ZNF804B: variants seen among roughly 807,000 people sequenced by gnomAD.
ZNF804B encodes zinc finger 804B.
In ZNF804B, 80 loss-of-function variants were observed where a neutral mutation model predicts 101.4. The observed-to-expected ratio is 0.79, with a 90% CI of 0.66 to 0.95. The LOEUF (loss-of-function observed/expected upper bound fraction) is 0.95. Among genes scored for constraint, ZNF804B ranks in the 40% least tolerant of loss-of-function variants. The pLI is 0.00. For missense variants in ZNF804B, 1,673 were observed against 1,561.9 expected (o/e 1.07, Z -1.20); for synonymous variants, 622 against 558.8 (o/e 1.11, Z -1.59).
chr7:88,951,414 T>C (rs1253539383), intron 1 of ZNF804B, among the ~76,000 whole-genome samples: 1 of 151,912 alleles, frequency 6.6e-6, no homozygotes, highest in Non-Finnish European at 1.5e-5. Context: ...ACCTGTACAT[T>C]TCTTCTTCAA....
At position 89,171,282 on chromosome 7, in the gene ZNF804B, GCTGCTGCTTCTTCTTCTTCTTCTTCTT is replaced by G. The variant is rs1431513296; in HGVS notation, c.109-46870_109-46844del. Reference sequence around the variant, plus strand: ...CAATGAAGTAGGCACAAATAATGCTGCTGCTGCTTCTTCTTCTTCTTCTTCTTCTTCTTCTTCTTCTTCTTCTTCTTC... The same window carrying G: ...CAATGAAGTAGGCACAAATAATGCTGCTTCTTCTTCTTCTTCTTCTTCTTC... On this transcript the variant is annotated intron_variant, in intron 1 of 3. Transcript: ENST00000333190. Among the ~76,000 whole-genome samples the G allele has an allele frequency of 9.4e-3, 893 of 95,494 alleles. 14 individuals are homozygous for G. Among genetic ancestry groups the G allele is most frequent in the African/African-American group, 0.023 (497 of 21,970 alleles). 62.6% of individuals were successfully genotyped at this position (95,494 alleles called of 152,430 possible).
intron 1 of ZNF804B, among the ~76,000 whole-genome samples, chr7:88,897,008 T>A (rs1176984577): frequency 6.6e-6 from 1 of 152,208 alleles, no homozygotes; most frequent in Non-Finnish European, 1.5e-5. Flanking sequence ...TGTGCATGGA[T>A]AATTGATAAT....
intron 1 of ZNF804B, among the ~76,000 whole-genome samples, chr7:88,853,662 C>G (rs1270532950): frequency 1.3e-5 from 2 of 151,964 alleles, no homozygotes; most frequent in African/African-American, 4.8e-5. Flanking sequence ...AAGTTAGTCC[C>G]CAAATATTGT....
At chr7:89,010,204 A>G (rs1287825151) in intron 1 of ZNF804B, among the ~76,000 whole-genome samples, 2 of 151,562 alleles carry the variant, frequency 1.3e-5, no homozygotes, top group Non-Finnish European at 2.9e-5. Flanking sequence ...AAGTGACATT[A>G]ACATTTATTT....
At chr7:89,245,887 T>C (rs1490930337) in intron 2 of ZNF804B, among the ~76,000 whole-genome samples, 1 of 152,150 alleles carries the variant, frequency 6.6e-6, no homozygotes, top group Non-Finnish European at 1.5e-5. Flanking sequence ...AACTTTCCAC[T>C]GAGGATCTAA....
intron 1 of ZNF804B, among the ~76,000 whole-genome samples, chr7:89,213,026 C>A (rs953899890): frequency 3.3e-5 from 5 of 152,174 alleles, no homozygotes; most frequent in African/African-American, 9.7e-5. Context: ...CCCCCTTAAT[C>A]TATTCTGAGA....
intron 2 of ZNF804B, among the ~76,000 whole-genome samples, chr7:89,232,283 C>T (rs568916552): frequency 6.6e-6 from 1 of 152,168 alleles, no homozygotes; most frequent in East Asian, 1.9e-4. Flanking sequence ...GTAAATCTCA[C>T]TCATGGTGGA....
chr7:89,188,991 T>C (rs556554678), intron 1 of ZNF804B, among the ~76,000 whole-genome samples: 2 of 152,170 alleles, frequency 1.3e-5, no homozygotes, highest in Non-Finnish European at 2.9e-5. Context: ...CGGTTTTCAA[T>C]GGCAGATGAA....
At chr7:89,210,021 C>A (rs1299407652) in intron 1 of ZNF804B, among the ~76,000 whole-genome samples, 1 of 151,806 alleles carries the variant, frequency 6.6e-6, no homozygotes, top group East Asian at 1.9e-4. Context: ...TGGTGGCATG[C>A]ACCTGTAGTC....
chr7:89,008,613 T>C (rs1788406245), intron 1 of ZNF804B, among the ~76,000 whole-genome samples: 1 of 152,114 alleles, frequency 6.6e-6, no homozygotes, highest in Admixed American at 6.6e-5. Flanking sequence ...CAGACTTGGT[T>C]CTCTCTCATT....
chr7:89,007,484 A>ATATG (rs1491050866), intron 1 of ZNF804B, among the ~76,000 whole-genome samples: 1 of 61,028 alleles, frequency 1.6e-5, no homozygotes, highest in Admixed American at 2.0e-4. Flanking sequence ...ATATATATAT[A>ATATG]TGTCAACCTA....
intron 1 of ZNF804B, among the ~76,000 whole-genome samples, chr7:88,783,964 T>C (rs1399644862): frequency 6.6e-6 from 1 of 152,200 alleles, no homozygotes; most frequent in African/African-American, 2.4e-5. Context: ...TTCATGAATA[T>C]AATTAATGAA....
chr7:88,897,663 A>T (rs1792310993), intron 1 of ZNF804B, among the ~76,000 whole-genome samples: 1 of 152,164 alleles, frequency 6.6e-6, no homozygotes, highest in South Asian at 2.1e-4. Flanking sequence ...AAATTAAGGA[A>T]TGTATTTGTA....
rs1791035985 is a variant in ZNF804B at position 89,334,243 on chromosome 7, A to G, written c.1261A>G (p.Ser421Gly). 6.2e-7 allele frequency: 1 copy of G among 1,613,732 alleles called. No homozygotes were observed. Among genetic ancestry groups the G allele is most frequent in the Non-Finnish European group, 8.5e-7 (1 of 1,179,826 alleles). Residue 421 changes from serine to glycine, a missense_variant, in exon 4 of 4, where the codon AGC becomes GGC. Physicochemically the swap from Ser to Gly is moderately conservative, Grantham distance 56. Coordinates refer to ENST00000333190, the MANE Select transcript of ZNF804B (RefSeq NM_181646.5). ...ATCTTTAGATAAAACAGAAAGAGTT[A>G]GCAAAAATGTTCAAAGACTTGTAAA... ...EKSLDKTERV[S>G]KNVQRLVKEA...
chr7:89,306,092 C>T (rs1790558217), intron 2 of ZNF804B, among the ~76,000 whole-genome samples: 1 of 151,910 alleles, frequency 6.6e-6, no homozygotes, highest in Non-Finnish European at 1.5e-5. Flanking sequence ...CATTAAGTAT[C>T]ACCAAACAGC....
rs545252686 is a variant in ZNF804B at position 89,033,814 on chromosome 7, TAATA to T, written c.109-184336_109-184333del. 3.0e-3 allele frequency among the ~76,000 whole-genome samples: 451 copies of T among 152,234 alleles called. 1 individual carries two copies. Among genetic ancestry groups the T allele is most frequent in the African/African-American group, 0.01 (425 of 41,576 alleles). On this transcript the variant is annotated intron_variant, in intron 1 of 3. Transcript: ENST00000333190. ...AAAGAAGAAAATATTGAAAATTTAT[TAATA>T]AATAGGTGAAAGGTCTTTCTGCTTT...
chr7:88,784,659 G>A (rs1790274678), intron 1 of ZNF804B, among the ~76,000 whole-genome samples: 1 of 152,088 alleles, frequency 6.6e-6, no homozygotes, highest in Admixed American at 6.6e-5. Flanking sequence ...GTCTATACTT[G>A]TTTCCTCACC....
chr7:88,772,128 A>T (rs550765731), intron 1 of ZNF804B, among the ~76,000 whole-genome samples: 1 of 151,760 alleles, frequency 6.6e-6, no homozygotes, highest in East Asian at 1.9e-4. Flanking sequence ...CATGTATTTT[A>T]AACTACGTTT....
intron 2 of ZNF804B, among the ~76,000 whole-genome samples, chr7:89,289,020 C>A (rs1243416926): frequency 2.6e-5 from 4 of 151,836 alleles, no homozygotes; most frequent in Non-Finnish European, 4.4e-5. Context: ...TATGGTAGAC[C>A]ATAATAAGTT....
Sources: allele counts gnomAD v4.1 joint callset (sites outside exome capture counted in the v4.1 genomes callset), GRCh38; gene constraint gnomAD v4.1.1; transcripts MANE v1.5; gene names NCBI Gene and HGNC (gene_info 2026-07-23, HGNC 2026-07-21).